The following NRIP1 variants were observed in gnomAD, a reference collection of about 807,000 sequenced individuals.
NRIP1 encodes the protein nuclear receptor interacting protein 1.
A neutral mutation model predicts 75.0 loss-of-function variants in NRIP1; 28 were observed. The ratio of observed to expected loss-of-function variants is 0.37; its 90% CI spans 0.28 to 0.51. NRIP1 has a LOEUF of 0.51. Ranked by LOEUF, NRIP1 falls within the 20% of genes least tolerant of loss-of-function variation. NRIP1 has a pLI of 0.92. For missense variants in NRIP1, 1,435 were observed against 1,343.7 expected, an observed-to-expected ratio of 1.07 and a Z score of -1.06; for synonymous variants, 526 against 487.6, an observed-to-expected ratio of 1.08 and a Z score of -1.04.
At chr21:14,994,840 A>G (rs1283521796) in intron 3 of NRIP1, among the ~76,000 whole-genome samples, 25 of 152,200 alleles carry the variant, frequency 1.6e-4, no homozygotes, top group Admixed American at 1.6e-3. Flanking sequence ...AAAAAATGAA[A>G]GCACTTAACA....
Position 14,967,473 on chromosome 21 carries a change from T to C in NRIP1, c.720A>G (p.Leu240=). 1 of 1,614,150 alleles carries C rather than the reference T, an allele frequency of 6.2e-7. No homozygotes were observed. The highest frequency in any genetic ancestry group is 8.5e-7 in the Non-Finnish European group (1 of 1,180,008). ...TTTCCACCATGCTTGCAACAGCCTG[T>C]AATCTTGCAGCACATGACAACGGTT... ...MSEPLSCAAR[L]QAVASMVEKR... Residue 240 remains leucine (L), a synonymous_variant, in exon 4 of 4, where the codon TTA becomes TTG. Coordinates refer to ENST00000318948, the MANE Select transcript of NRIP1 (RefSeq NM_003489.4).
At chr21:15,021,959 C>T (rs540956130) in intron 2 of NRIP1, among the ~76,000 whole-genome samples, 7 of 152,220 alleles carry the variant, frequency 4.6e-5, no homozygotes, top group Non-Finnish European at 1.0e-4. Context: ...TAAATTAGTT[C>T]AACCATTGTG....
At chr21:14,971,356 G>A (rs180986470) in intron 3 of NRIP1, 6 of 152,154 alleles carry the variant, frequency 3.9e-5, no homozygotes, top group East Asian at 1.9e-4. Context: ...AAAATAATTC[G>A]AATCACAAAT....
intron 2 of NRIP1, among the ~76,000 whole-genome samples, chr21:15,036,268 C>T (rs1175510063): frequency 6.6e-6 from 1 of 152,144 alleles, no homozygotes; most frequent in Admixed American, 6.5e-5. Flanking sequence ...GTTAACTTCC[C>T]AAACCTATTC....
At chr21:15,042,466 G>A (rs2088977839) in intron 2 of NRIP1, among the ~76,000 whole-genome samples, 1 of 152,210 alleles carries the variant, frequency 6.6e-6, no homozygotes, top group South Asian at 2.1e-4. Context: ...TATGAGGTAT[G>A]CTATGGCCTG....
rs201065146 is a variant in NRIP1 at position 14,968,076 on chromosome 21, T to G, written c.117A>C (p.Lys39Asn). 6.2e-7 allele frequency: 1 copy of G among 1,614,072 alleles called. No individual in the cohort carries two copies. The highest frequency in any genetic ancestry group is 2.2e-5 in the East Asian group (1 of 44,872). ...CCTCTTCATTATGCCCAGCAGACTT[T>G]TTGTCAACGGCAGTACCTGATCCCC... The part of the protein sequence containing the change: ...AAGGSGTAVD[K>N]KSAGHNEEDQ... Residue 39 changes from lysine (K) to asparagine (N), a missense_variant, in exon 4 of 4, where the codon AAA (lysine) becomes AAC (asparagine). Coordinates refer to ENST00000318948, the MANE Select transcript of NRIP1 (RefSeq NM_003489.4).
In NRIP1 at chr21:14,962,205, A is replaced by T. The variant is rs1038653120; in HGVS notation, c.*2511T>A. 1 of 151,788 alleles carries T rather than the reference A, an allele frequency of 6.6e-6. No homozygotes were observed. Among genetic ancestry groups the T allele is most frequent in the Non-Finnish European group, 1.5e-5 (1 of 67,840 alleles). 9.4% of individuals were successfully genotyped at this position (151,788 alleles called of 1,614,324 possible). On this transcript the variant is annotated 3_prime_UTR_variant, in exon 4 of 4. Coordinates refer to ENST00000318948, the MANE Select transcript of NRIP1 (RefSeq NM_003489.4). Reference sequence around the variant, plus strand: ...TCTAAAATAGTCCTTGAAAATGTGTATATGTGCATCCTTGTATCTACATAT... The same window carrying T: ...TCTAAAATAGTCCTTGAAAATGTGTTTATGTGCATCCTTGTATCTACATAT...
intron 3 of NRIP1, among the ~76,000 whole-genome samples, chr21:14,994,604 T>A (rs976693108): frequency 6.6e-6 from 1 of 152,202 alleles, no homozygotes; most frequent in African/African-American, 2.4e-5. Context: ...GAATTTCAAA[T>A]GAACTTTGCT....
intron 2 of NRIP1, among the ~76,000 whole-genome samples, chr21:15,028,456 C>G (rs906641958): frequency 1.3e-5 from 2 of 152,150 alleles, no homozygotes; most frequent in African/African-American, 4.8e-5. Context: ...CATTGCTTCA[C>G]GTTACAGAGG....
At position 14,964,906 on chromosome 21, in the gene NRIP1, G is replaced by C. The variant is rs769841069; in HGVS notation, c.3287C>G (p.Ala1096Gly). The C allele has an allele frequency of 1.5e-5, 24 of 1,613,184 alleles. No homozygotes were observed. The highest frequency in any genetic ancestry group is 1.9e-5 in the Non-Finnish European group (23 of 1,179,644). The change falls in exon 4 of 4, where the codon GCT becomes GGT. Residue 1096 changes from alanine (A) to glycine (G), a missense_variant. By Grantham distance (60) the Ala-to-Gly change is moderately conservative (BLOSUM62 0). Coordinates refer to ENST00000318948, the MANE Select transcript of NRIP1 (RefSeq NM_003489.4). ...DKDIWREASS[A>G]ESVSQVTAKE... ...GGCTGTGACCTGTGAGACACTTTCA[G>C]CAGATGAAGCCTCCCTCCAAATGTC...
Position 14,967,405 on chromosome 21 carries a change from C to A in NRIP1, c.788G>T (p.Cys263Phe). 1.9e-6 allele frequency: 3 copies of A among 1,614,096 alleles called. No homozygotes were observed. The highest frequency in any genetic ancestry group is 2.5e-6 in the Non-Finnish European group (3 of 1,180,010). Residue 263 changes from cysteine (C) to phenylalanine (F), a missense_variant, in exon 4 of 4, where the codon TGT (cysteine) becomes TTT (phenylalanine). Coordinates refer to ENST00000318948, the MANE Select transcript of NRIP1 (RefSeq NM_003489.4). Reference sequence around the variant, plus strand: ...TGACAGAAGTAATGCTAACTGGCTACAAGCAACACTAGGTTTAGGTGAGGT... The same window carrying A: ...TGACAGAAGTAATGCTAACTGGCTAAAAGCAACACTAGGTTTAGGTGAGGT... ...PATSPKPSVA[C>F]SQLALLLSSE... is the part of the protein sequence containing the mutation.
intron 1 of NRIP1, among the ~76,000 whole-genome samples, chr21:15,054,708 G>C (rs1260573605): frequency 6.6e-6 from 1 of 152,166 alleles, no homozygotes; most frequent in African/African-American, 2.4e-5. Flanking sequence ...GCCAAATTTT[G>C]CCAGTGGTTG....
chr21:15,033,487 A>G (rs1019874434), intron 2 of NRIP1, among the ~76,000 whole-genome samples: 16 of 152,162 alleles, frequency 1.1e-4, no homozygotes, highest in African/African-American at 3.9e-4. Context: ...ACTTCAATCC[A>G]TTTACCCATA....
Position 15,001,415 on chromosome 21 carries a change from G to C in NRIP1, c.-335+12929C>G, listed in dbSNP as rs766173035. Reference sequence around the variant, plus strand: ...GCAGCTATGACCACATTTTAAGAATGCCTAAAAATGCCCAGGAGTCTAATC... The same window carrying C: ...GCAGCTATGACCACATTTTAAGAATCCCTAAAAATGCCCAGGAGTCTAATC... On this transcript the variant is annotated intron_variant, in intron 3 of 3. Coordinates refer to ENST00000318948, the MANE Select transcript of NRIP1 (RefSeq NM_003489.4). Among the ~76,000 whole-genome samples, 3 of 152,200 alleles carry C rather than the reference G, an allele frequency of 2.0e-5. No homozygotes were observed. In the South Asian group the frequency reaches 6.2e-4, roughly 32 times the overall value.
chr21:14,975,626 TA>T (rs71183452), intron 3 of NRIP1, among the ~76,000 whole-genome samples: 94,356 of 107,436 alleles, frequency 0.88, 42,288 homozygotes, highest in East Asian at 0.98. Flanking sequence ...ACTATTTCTT[TA>T]AAAAAAAAAA....
chr21:15,042,851 G>A (rs2088988070), intron 2 of NRIP1, among the ~76,000 whole-genome samples: 2 of 152,208 alleles, frequency 1.3e-5, no homozygotes, highest in Admixed American at 1.3e-4. Context: ...CACAAAGTGA[G>A]TAAGTTTCTC....
At chr21:15,003,998 C>G (rs2087908177) in intron 3 of NRIP1, among the ~76,000 whole-genome samples, 1 of 152,100 alleles carries the variant, frequency 6.6e-6, no homozygotes, top group African/African-American at 2.4e-5. Flanking sequence ...ATTTCCCCTC[C>G]AATATTTTCT....
At chr21:15,062,031 G>C (rs2089434300) in intron 1 of NRIP1, among the ~76,000 whole-genome samples, 1 of 152,144 alleles carries the variant, frequency 6.6e-6, no homozygotes, top group African/African-American at 2.4e-5. Flanking sequence ...TTCTAAAATA[G>C]TGATGTTTGA....
chr21:14,965,384 T>G lies in NRIP1; in HGVS notation c.2809A>C (p.Lys937Gln). ...CAGTTTTCTGAGAGAAGCAGCTGTT[T>G]CAGAACATTAAAGCTTTTGCTCTCT... Reference protein sequence around the residue: ...ARESKSFNVLKQLLLSENCVR... With the variant: ...ARESKSFNVLQQLLLSENCVR... The change falls in exon 4 of 4, where the codon AAA becomes CAA. Residue 937 changes from lysine to glutamine, a missense_variant. Coordinates refer to ENST00000318948, the MANE Select transcript of NRIP1 (RefSeq NM_003489.4). 6.2e-7 allele frequency: 1 copy of G among 1,614,066 alleles called. No homozygotes were observed. Among genetic ancestry groups the G allele is most frequent in the Non-Finnish European group, 8.5e-7 (1 of 1,179,956 alleles).
Sources: gnomAD v4.1 joint callset for allele counts (sites outside exome capture counted in the v4.1 genomes callset) on GRCh38, gnomAD v4.1.1 for gene constraint, MANE v1.5 for transcripts, NCBI Gene and HGNC (gene_info 2026-07-23, HGNC 2026-07-21) for gene names.